MELK: variants seen among roughly 807,000 people sequenced by gnomAD.
MELK encodes the protein pEg3 kinase.
Under a neutral mutation model 85.0 loss-of-function variants are expected in MELK, and 81 were observed. The observed-to-expected ratio is 0.95, with a 90% confidence interval of 0.80 to 1.15. The LOEUF (loss-of-function observed/expected upper bound fraction) is 1.15, where lower values mean the gene tolerates loss of function less well. Among genes scored for constraint, MELK ranks in the 50% most tolerant of loss-of-function variants. The pLI is 0.00. For synonymous variants in MELK, 252 were observed against 265.0 expected (o/e 0.95, Z 0.48); for missense variants, 754 against 777.5 (o/e 0.97, Z 0.36).
At chr9:36,612,428 C>T (rs1826146945) in intron 8 of MELK, among the ~76,000 whole-genome samples, 1 of 152,048 alleles carries the variant, frequency 6.6e-6, no homozygotes. Flanking sequence ...CTCTGTTGCC[C>T]AGGCTGGAGT....
intron 10 of MELK, among the ~76,000 whole-genome samples, chr9:36,642,676 G>A (rs1458029237): frequency 1.3e-5 from 2 of 151,918 alleles, no homozygotes; most frequent in Non-Finnish European, 2.9e-5. Context: ...TGATCTGCCC[G>A]CCCCAGCCTC....
intron 8 of MELK, among the ~76,000 whole-genome samples, chr9:36,629,224 A>G (rs1325658335): frequency 6.6e-6 from 1 of 152,350 alleles, no homozygotes; most frequent in South Asian, 2.1e-4. Context: ...TATGAATTAC[A>G]GTTCAATCAA....
Position 36,654,378 on chromosome 9 carries a change from C to CA in MELK, c.1053+2502dup, listed in dbSNP as rs776588739. ...TTTTTTTTTTTTTTTTTTTTTGAGA[C>CA]AGAGTCTTGCTTTGTTGCCCAGGCT... On this transcript the variant is annotated intron_variant, in intron 12 of 17. Coordinates refer to ENST00000298048, the MANE Select transcript of MELK (RefSeq NM_014791.4). Among the ~76,000 whole-genome samples, 480 of 82,562 alleles carry CA rather than the reference C, an allele frequency of 5.8e-3. 1 individual carries two copies. Among genetic ancestry groups the CA allele is most frequent in the Non-Finnish European group, 8.8e-3 (392 of 44,604 alleles). 54.2% of individuals were successfully genotyped at this position (82,562 alleles called of 152,430 possible).
Position 36,609,432 on chromosome 9 carries a change from ACTCT to A in MELK, c.666+1762_666+1765del, listed in dbSNP as rs1364070301. The stretch of plus-strand genomic sequence containing the variant: ...GCAGAGCAGCATCTCTGAATGCTTC[ACTCT>A]CTTTCTTCTTCTTTTTTTTTTTTTT... On this transcript the variant is annotated intron_variant, in intron 8 of 17. Coordinates refer to ENST00000298048, the MANE Select transcript of MELK (RefSeq NM_014791.4). Among the ~76,000 whole-genome samples, 6 of 149,310 alleles carry A rather than the reference ACTCT, an allele frequency of 4.0e-5. 1 individual carries two copies. The highest frequency in any genetic ancestry group is 1.2e-4 in the African/African-American group (5 of 40,488).
intron 13 of MELK, among the ~76,000 whole-genome samples, chr9:36,658,780 C>A (rs964020300): frequency 2.0e-5 from 3 of 152,078 alleles, no homozygotes; most frequent in African/African-American, 7.2e-5. Flanking sequence ...CTGCTCACTG[C>A]AACCTCTGCC....
intron 7 of MELK, among the ~76,000 whole-genome samples, chr9:36,602,985 G>A (rs1193776007): frequency 4.6e-5 from 7 of 152,206 alleles, no homozygotes; most frequent in Non-Finnish European, 1.0e-4. Context: ...GATTTGAGTG[G>A]AGTGAGGTAC....
intron 8 of MELK, among the ~76,000 whole-genome samples, chr9:36,618,133 A>G (rs1827032112): frequency 6.6e-6 from 1 of 151,756 alleles, no homozygotes; most frequent in Non-Finnish European, 1.5e-5. Flanking sequence ...TTTAAAAAAA[A>G]AAAAAGGGCC....
Position 36,665,756 on chromosome 9 carries a change from A to G in MELK, c.1408+175A>G, listed in dbSNP as rs185835982. On this transcript the variant is annotated intron_variant, in intron 14 of 17. Transcript: ENST00000298048. The stretch of plus-strand genomic sequence containing the variant: ...AATGAAAGCATATTTGTCAATTTCA[A>G]TTTATTCTCAAATGATACCAAGTTT... Among the ~76,000 whole-genome samples, 190 of 152,322 alleles carry G rather than the reference A, an allele frequency of 1.2e-3. 2 individuals carry two copies. In the South Asian group the frequency reaches 0.013, roughly 10 times the overall value.
In MELK at chr9:36,651,853, T is replaced by C; in HGVS notation, c.1029T>C (p.Ser343=). The part of the protein sequence containing the change: ...RLSSFSCGQA[S]ATPFTDIKSN... ...CTTCTTTCTCCTGTGGACAAGCCAG[T>C]GCTACCCCATTCACAGACATCAAGG... The change falls in exon 12 of 18, where the codon AGT becomes AGC. Residue 343 remains serine, a synonymous_variant. Transcript: ENST00000298048. 1 of 1,613,886 alleles carries C rather than the reference T, an allele frequency of 6.2e-7. No homozygotes were observed.
rs1459091764 is a variant in MELK at position 36,665,424 on chromosome 9, A to C, written c.1251A>C (p.Ala417=). The C allele has an allele frequency of 6.2e-7, 1 of 1,613,714 alleles. No individual in the cohort carries two copies. The highest frequency in any genetic ancestry group is 1.7e-5 in the Admixed American group (1 of 60,022). Residue 417 remains alanine (A), a synonymous_variant, in exon 14 of 18, where the codon GCA becomes GCC. Coordinates refer to ENST00000298048, the MANE Select transcript of MELK (RefSeq NM_014791.4). ...CTCCAGCCTTATGCAGAACACCTGC[A>C]AATAAATTAAAGAACAAAGAAAATG... ...SLTPALCRTP[A]NKLKNKENVY...
intron 8 of MELK, among the ~76,000 whole-genome samples, chr9:36,620,645 G>A (rs960033946): frequency 3.6e-4 from 55 of 151,060 alleles, no homozygotes; most frequent in Non-Finnish European, 4.7e-4. Context: ...CTGCCTCCTG[G>A]GTTCAAGCGA....
At chr9:36,624,655 A>G (rs952970051) in intron 8 of MELK, among the ~76,000 whole-genome samples, 2 of 152,224 alleles carry the variant, frequency 1.3e-5, no homozygotes, top group Non-Finnish European at 2.9e-5. Context: ...TAAAAAGGCA[A>G]AGAGGAATTT....
chr9:36,615,987 G>A (rs1237235497), intron 8 of MELK, among the ~76,000 whole-genome samples: 1 of 152,128 alleles, frequency 6.6e-6, no homozygotes, highest in East Asian at 1.9e-4. Context: ...TCGGCACTTT[G>A]GGAGGCCAAG....
chr9:36,630,861 C>A (rs1015919212), intron 9 of MELK, among the ~76,000 whole-genome samples: 2 of 152,046 alleles, frequency 1.3e-5, no homozygotes, highest in Admixed American at 6.5e-5. Context: ...CCCATGTTGG[C>A]CAGGCTGGTC....
At chr9:36,616,473 T>G (rs1826817553) in intron 8 of MELK, among the ~76,000 whole-genome samples, 1 of 147,442 alleles carries the variant, frequency 6.8e-6, no homozygotes, top group Admixed American at 6.8e-5. Flanking sequence ...CACTGCAACC[T>G]CTACCTCCCA....
intron 8 of MELK, among the ~76,000 whole-genome samples, chr9:36,615,175 G>A (rs1826503023): frequency 2.8e-5 from 4 of 142,874 alleles, no homozygotes; most frequent in Admixed American, 6.8e-5. Flanking sequence ...CCTCCCGGAC[G>A]GGGCGGCTGG....
In MELK at chr9:36,652,656, AGAGGCG is replaced by A. The variant is rs1830823958; in HGVS notation, c.1053+784_1053+789del. The stretch of plus-strand genomic sequence containing the variant: ...GAGGCAGGAGAATCGCTTGAACCCG[AGAGGCG>A]GAGGTTACAGTGAGCTGAGATTGCG... On this transcript the variant is annotated intron_variant, in intron 12 of 17. Coordinates refer to ENST00000298048, the MANE Select transcript of MELK (RefSeq NM_014791.4). Among the ~76,000 whole-genome samples the A allele has an allele frequency of 5.4e-5, 8 of 148,820 alleles. No individual in the cohort carries two copies. The South Asian group carries it at 1.7e-3, about 32-fold the overall frequency.
intron 10 of MELK, among the ~76,000 whole-genome samples, chr9:36,639,631 C>A (rs979327217): frequency 1.3e-5 from 2 of 152,162 alleles, no homozygotes; most frequent in African/African-American, 2.4e-5. Flanking sequence ...GGATTCAGAG[C>A]GCTTTAAGTA....
chr9:36,579,181 C>T (rs1821948353), intron 1 of MELK, among the ~76,000 whole-genome samples: 1 of 152,228 alleles, frequency 6.6e-6, no homozygotes, highest in African/African-American at 2.4e-5. Context: ...GCATGTGGCA[C>T]CACACCTGGC....
Sources: allele counts gnomAD v4.1 joint callset (sites outside exome capture counted in the v4.1 genomes callset), GRCh38; gene constraint gnomAD v4.1.1; transcripts MANE v1.5; gene names NCBI Gene and HGNC (gene_info 2026-07-23, HGNC 2026-07-21).